GPC3: variants seen among roughly 807,000 people sequenced by gnomAD.
The protein encoded by GPC3 is glypican 3.
A neutral mutation model predicts 34.4 loss-of-function variants in GPC3; 3 were observed. The observed-to-expected ratio is 0.09, with a 90% confidence interval of 0.04 to 0.23. GPC3 has a LOEUF of 0.23. Ranked by LOEUF, GPC3 falls within the 10% of genes least tolerant of loss-of-function variation. The pLI, the probability that GPC3 is intolerant of heterozygous loss-of-function variation, is 1.00. For missense variants in GPC3, 351 were observed against 445.6 expected (o/e 0.79, Z 1.91); for synonymous variants, 177 against 174.0 (o/e 1.02, Z -0.13).
chrX:133,572,616 A>G (rs910665513), intron 7 of GPC3, among the ~76,000 whole-genome samples: 1 of 112,042 alleles, frequency 8.9e-6, no homozygotes, highest in Non-Finnish European at 1.9e-5. Context: ...ATTACTAAAA[A>G]CAGAGATAAA....
chrX:133,884,094 G>C (rs751779756), intron 2 of GPC3, among the ~76,000 whole-genome samples: 19 of 111,561 alleles, frequency 1.7e-4, no homozygotes, highest in African/African-American at 5.8e-4. Flanking sequence ...ATAGTCCAGA[G>C]CTCATTGAGA....
intron 2 of GPC3, among the ~76,000 whole-genome samples, chrX:133,854,261 T>C (rs1265713441): frequency 8.9e-6 from 1 of 112,037 alleles, no homozygotes; most frequent in Non-Finnish European, 1.9e-5. Flanking sequence ...TATGAGATGA[T>C]AGGTTGAAGC....
intron 1 of GPC3, among the ~76,000 whole-genome samples, chrX:133,957,391 G>A (rs1394561309): frequency 8.9e-6 from 1 of 112,778 alleles, no homozygotes; most frequent in African/African-American, 3.2e-5. Context: ...AAGACAGCAT[G>A]AGGAAGAAGC....
intron 2 of GPC3, among the ~76,000 whole-genome samples, chrX:133,949,386 T>C (rs184876894): frequency 1.3e-4 from 15 of 111,358 alleles, no homozygotes; most frequent in African/African-American, 4.9e-4. Context: ...ATTTAGTGAG[T>C]TCTTGGATCC....
intron 2 of GPC3, among the ~76,000 whole-genome samples, chrX:133,892,539 TA>T (rs2076092554): frequency 1.8e-5 from 2 of 111,423 alleles, no homozygotes; most frequent in South Asian, 7.6e-4. Flanking sequence ...CAGGAAGGTC[TA>T]ATGTCACAGC....
chrX:133,829,545 T>A (rs73567057), intron 2 of GPC3, among the ~76,000 whole-genome samples: 3 of 111,447 alleles, frequency 2.7e-5, no homozygotes, highest in African/African-American at 6.6e-5. Flanking sequence ...GCATTCTCCA[T>A]GGCAGACCAA....
intron 6 of GPC3, among the ~76,000 whole-genome samples, chrX:133,605,033 C>T (rs757617757): frequency 1.8e-5 from 2 of 111,771 alleles, no homozygotes; most frequent in South Asian, 3.8e-4. Context: ...CTGTGTTTTG[C>T]GTGCACACTC....
At chrX:133,787,715 C>T (rs1236552009) in intron 2 of GPC3, among the ~76,000 whole-genome samples, 1 of 111,397 alleles carries the variant, frequency 9.0e-6, no homozygotes, top group African/African-American at 3.3e-5. Context: ...TCTGGCCCCA[C>T]CTCTGCCATT....
intron 2 of GPC3, among the ~76,000 whole-genome samples, chrX:133,952,174 T>C (rs898589940): frequency 2.7e-5 from 3 of 111,636 alleles, no homozygotes; most frequent in African/African-American, 6.5e-5. Context: ...CCATGCCATC[T>C]GGGTTCAAAT....
Position 133,536,296 on chromosome X carries a change from GTCAA to G in GPC3, c.1574-7_1574-4del, listed in dbSNP as rs751413609. 802 of 1,190,583 alleles carry G rather than the reference GTCAA, an allele frequency of 6.7e-4. 1 individual carries two copies. The highest frequency in any genetic ancestry group is 2.3e-3 in the Middle Eastern group (10 of 4,302). ...CACATCCAGATCATAGGCCAGTTCT[GTCAA>G]TCAAAAGAGAAGGATTTGAAATGCA... On this transcript the variant is annotated splice_polypyrimidine_tract_variant and splice_region_variant and intron_variant, in intron 7 of 7. Transcript: ENST00000370818.
chrX:133,794,598 CATT>C (rs1240882611), intron 2 of GPC3, among the ~76,000 whole-genome samples: 1 of 111,675 alleles, frequency 9.0e-6, no homozygotes, highest in African/African-American at 3.3e-5. Flanking sequence ...GGTCTCTACT[CATT>C]GTCTGTTTCT....
intron 6 of GPC3, among the ~76,000 whole-genome samples, chrX:133,598,260 C>T (rs966235103): frequency 9.0e-5 from 10 of 110,803 alleles, no homozygotes; most frequent in Admixed American, 4.8e-4. Context: ...TCAAGCAATC[C>T]TCCCACCTCA....
intron 6 of GPC3, among the ~76,000 whole-genome samples, chrX:133,651,816 C>T (rs2070606892): frequency 8.9e-6 from 1 of 112,034 alleles, no homozygotes; most frequent in Non-Finnish European, 1.9e-5. Context: ...CACATTTATC[C>T]AAGTAGATGA....
chrX:133,673,564 A>G (rs1234429415), intron 5 of GPC3, among the ~76,000 whole-genome samples: 1 of 112,546 alleles, frequency 8.9e-6, no homozygotes, highest in Non-Finnish European at 1.9e-5. Flanking sequence ...TTTGGCAGTC[A>G]TAGTTTACTG....
At chrX:133,835,294 A>G (rs1042045159) in intron 2 of GPC3, among the ~76,000 whole-genome samples, 3 of 112,154 alleles carry the variant, frequency 2.7e-5, no homozygotes, top group African/African-American at 6.5e-5. Context: ...GTATAATTAA[A>G]TAGTCTCCAT....
rs187344632 is a variant in GPC3 at position 133,696,377 on chromosome X, G to A, written c.1166+3518C>T. Among the ~76,000 whole-genome samples the A allele has an allele frequency of 2.3e-4, 26 of 111,911 alleles. No homozygotes were observed. The East Asian group carries it at 5.9e-3, about 25-fold the overall frequency. On this transcript the variant is annotated intron_variant, in intron 4 of 7. Coordinates refer to ENST00000370818, the MANE Select transcript of GPC3 (RefSeq NM_004484.4). ...GTTTACCTCCTACCAAGTTTACTGGGCCTCTCTCATCTCTCCTCTTCTTTG... is the reference window on the plus strand; with the variant it reads ...GTTTACCTCCTACCAAGTTTACTGGACCTCTCTCATCTCTCCTCTTCTTTG...
intron 3 of GPC3, among the ~76,000 whole-genome samples, chrX:133,738,513 C>G (rs1292128294): frequency 9.0e-6 from 1 of 111,682 alleles, no homozygotes; most frequent in East Asian, 2.8e-4. Flanking sequence ...TAAATTATCC[C>G]AAAGATTTGT....
intron 1 of GPC3, among the ~76,000 whole-genome samples, chrX:133,974,102 G>A (rs762757063): frequency 2.9e-4 from 32 of 112,082 alleles, no homozygotes; most frequent in African/African-American, 9.1e-4. Flanking sequence ...CCAGGCTGGA[G>A]TGCAGTGCCG....
At chrX:133,585,916 T>C (rs2069784256) in intron 7 of GPC3, among the ~76,000 whole-genome samples, 1 of 112,264 alleles carries the variant, frequency 8.9e-6, no homozygotes, top group Non-Finnish European at 1.9e-5. Context: ...GAAAATATAA[T>C]ACAATGGCAC....
Sources: gnomAD v4.1 joint callset for allele counts (sites outside exome capture counted in the v4.1 genomes callset) on GRCh38, gnomAD v4.1.1 for gene constraint, MANE v1.5 for transcripts, NCBI Gene and HGNC (gene_info 2026-07-23, HGNC 2026-07-21) for gene names.